The following NFIB variants were observed in gnomAD, a reference collection of about 807,000 sequenced individuals.
The protein encoded by NFIB is nuclear factor I B.
NFIB carries 11 observed loss-of-function variants against 61.5 expected under a neutral mutation model. The ratio of observed to expected loss-of-function variants is 0.18; its 90% CI spans 0.11 to 0.30. The LOEUF (loss-of-function observed/expected upper bound fraction) is 0.30. NFIB is among the 10% of genes least tolerant of loss of function. NFIB has a pLI of 1.00. For missense variants in NFIB, 471 were observed against 608.9 expected (o/e 0.77, Z 2.38); for synonymous variants, 260 against 216.5 (o/e 1.20, Z -1.76).
the NFIB span, among the ~76,000 whole-genome samples, chr9:14,447,953 C>A: frequency 2.0e-5 from 3 of 152,086 alleles, no homozygotes; most frequent in African/African-American, 7.2e-5. Context: ...GATCAAGGTA[C>A]CTACCCTGAA....
intron 2 of NFIB, among the ~76,000 whole-genome samples, chr9:14,282,105 A>G (rs2058412670): frequency 6.6e-6 from 1 of 152,190 alleles, no homozygotes; most frequent in Non-Finnish European, 1.5e-5. Context: ...TCAGTACAAA[A>G]ACTTCTGCTA....
intron 3 of NFIB, among the ~76,000 whole-genome samples, chr9:14,164,315 G>C (rs1373245546): frequency 1.3e-5 from 2 of 151,954 alleles, no homozygotes; most frequent in Non-Finnish European, 2.9e-5. Context: ...ACATCACAGA[G>C]TGTACTTACA....
At chr9:14,366,559 C>T (rs977269218) in intron 1 of NFIB, among the ~76,000 whole-genome samples, 5 of 151,896 alleles carry the variant, frequency 3.3e-5, no homozygotes, top group Non-Finnish European at 5.9e-5. Context: ...GATCTCAGCT[C>T]ACTGCAACCT....
At chr9:14,406,933 T>C in the NFIB span, among the ~76,000 whole-genome samples, 2 of 152,180 alleles carry the variant, frequency 1.3e-5, no homozygotes, top group Non-Finnish European at 2.9e-5. Flanking sequence ...GAAATACATA[T>C]TGTTTTAAGC....
intron 2 of NFIB, among the ~76,000 whole-genome samples, chr9:14,194,456 G>C (rs1472039009): frequency 1.3e-5 from 2 of 152,090 alleles, no homozygotes; most frequent in Non-Finnish European, 2.9e-5. Context: ...GTGGGACAGG[G>C]AGCCTAAAGC....
At chr9:14,294,600 G>C (rs1307991507) in intron 2 of NFIB, among the ~76,000 whole-genome samples, 1 of 152,128 alleles carries the variant, frequency 6.6e-6, no homozygotes, top group Non-Finnish European at 1.5e-5. Context: ...AAAAGAAAAG[G>C]AATGCCACAG....
At chr9:14,137,362 C>T (rs1171265930) in intron 6 of NFIB, among the ~76,000 whole-genome samples, 1 of 152,098 alleles carries the variant, frequency 6.6e-6, no homozygotes, top group Non-Finnish European at 1.5e-5. Flanking sequence ...ATAAGCAGCC[C>T]AATTATTGTT....
chr9:14,354,433 T>C (rs2061151870), intron 1 of NFIB, among the ~76,000 whole-genome samples: 1 of 152,208 alleles, frequency 6.6e-6, no homozygotes, highest in Non-Finnish European at 1.5e-5. Context: ...GAATATATGC[T>C]TCAATAGTTC....
intron 2 of NFIB, among the ~76,000 whole-genome samples, chr9:14,225,068 C>G (rs558523343): frequency 1.3e-5 from 2 of 152,266 alleles, no homozygotes; most frequent in Admixed American, 6.5e-5. Context: ...TGACCAAGAT[C>G]TCTGCATTTC....
the NFIB span, among the ~76,000 whole-genome samples, chr9:14,497,062 G>A: frequency 6.6e-6 from 1 of 152,292 alleles, no homozygotes; most frequent in Non-Finnish European, 1.5e-5. Context: ...TACTCACAAA[G>A]TCACGAGAAC....
intron 3 of NFIB, among the ~76,000 whole-genome samples, chr9:14,169,683 C>T (rs1054967791): frequency 6.6e-6 from 1 of 152,066 alleles, no homozygotes; most frequent in African/African-American, 2.4e-5. Flanking sequence ...TAGCCGGACA[C>T]GGCCCATGCC....
At chr9:14,251,241 C>A (rs1476626687) in intron 2 of NFIB, among the ~76,000 whole-genome samples, 2 of 152,132 alleles carry the variant, frequency 1.3e-5, no homozygotes, top group Non-Finnish European at 2.9e-5. Context: ...TTAGAACCTC[C>A]CTCCAAGCTT....
chr9:14,418,826 G>C, the NFIB span, among the ~76,000 whole-genome samples: 1 of 152,044 alleles, frequency 6.6e-6, no homozygotes, highest in Non-Finnish European at 1.5e-5. Context: ...TATTTTTATT[G>C]GTGCGTTAAC....
upstream of NFIB, among the ~76,000 whole-genome samples, chr9:14,315,103 C>A (rs2060479948): frequency 6.6e-6 from 1 of 152,004 alleles, no homozygotes; most frequent in African/African-American, 2.4e-5. Flanking sequence ...AGGCGGGGAC[C>A]TGAGCGAACT....
At chr9:14,434,812 A>G in the NFIB span, among the ~76,000 whole-genome samples, 1 of 152,236 alleles carries the variant, frequency 6.6e-6, no homozygotes, top group Non-Finnish European at 1.5e-5. Context: ...TTAAAACAAA[A>G]TGCACAGGAA....
At chr9:14,165,273 T>C (rs556843074) in intron 3 of NFIB, among the ~76,000 whole-genome samples, 2 of 152,330 alleles carry the variant, frequency 1.3e-5, no homozygotes, top group South Asian at 2.1e-4. Context: ...CACTTTCTTA[T>C]AAGCCTCTAT....
chr9:14,425,607 A>ATTTTTTTTTTTTTTTTTTTTT, the NFIB span, among the ~76,000 whole-genome samples: 13 of 99,050 alleles, frequency 1.3e-4, no homozygotes, highest in Non-Finnish European at 1.4e-4. Flanking sequence ...TTGCTACATA[A>ATTTTTTTTTTTTTTTTTTTTT]TTTTTTTTTT....
At chr9:14,241,820 T>C (rs952382548) in intron 2 of NFIB, among the ~76,000 whole-genome samples, 26 of 152,192 alleles carry the variant, frequency 1.7e-4, no homozygotes, top group Admixed American at 3.3e-4. Context: ...CCTCTCCTTA[T>C]AGACACAGAA....
chr9:14,249,931 CT>C (rs2055394568), intron 2 of NFIB, among the ~76,000 whole-genome samples: 1 of 152,132 alleles, frequency 6.6e-6, no homozygotes, highest in Non-Finnish European at 1.5e-5. Flanking sequence ...ATGCCAAAGT[CT>C]TGTGGATACC....
Sources: gnomAD v4.1 joint callset for allele counts (sites outside exome capture counted in the v4.1 genomes callset) on GRCh38, gnomAD v4.1.1 for gene constraint, MANE v1.5 for transcripts, NCBI Gene and HGNC (gene_info 2026-07-23, HGNC 2026-07-21) for gene names.